Variants in BTRC observed in about 807,000 individuals in gnomAD.
BTRC encodes beta-transducin repeat containing E3 ubiquitin protein ligase.
A neutral mutation model predicts 85.5 loss-of-function variants in BTRC; 42 were observed. The observed-to-expected ratio is 0.49, with a 90% CI of 0.38 to 0.64. The LOEUF (loss-of-function observed/expected upper bound fraction) is 0.64. Ranked by LOEUF, BTRC falls within the 30% of genes least tolerant of loss-of-function variation. BTRC has a pLI of 0.00. For synonymous variants in BTRC, 255 were observed against 263.3 expected (o/e 0.97, Z 0.30); for missense variants, 594 against 743.5 (o/e 0.80, Z 2.34).
At chr10:101,497,180 C>T (rs9420832) in intron 4 of BTRC, among the ~76,000 whole-genome samples, 56,291 of 151,966 alleles carry the variant, frequency 0.37, 11,604 homozygotes, top group Middle Eastern at 0.49. Flanking sequence ...CCCATTATAC[C>T]GGATTGTTTT....
At chr10:101,427,016 T>C (rs959682608) in intron 1 of BTRC, among the ~76,000 whole-genome samples, 1 of 151,746 alleles carries the variant, frequency 6.6e-6, no homozygotes, top group African/African-American at 2.4e-5. Flanking sequence ...TCAGATTCAA[T>C]CTTTCCTTCC....
intron 4 of BTRC, among the ~76,000 whole-genome samples, chr10:101,505,141 A>ATATATATGTGTATATATATG (rs1564812183): frequency 8.6e-4 from 105 of 121,576 alleles, no homozygotes; most frequent in African/African-American, 2.7e-3. Flanking sequence ...ATATATATGT[A>ATATATATGTGTATATATATG]TATATATATG....
intron 1 of BTRC, among the ~76,000 whole-genome samples, chr10:101,404,023 TATATATA>T (rs1213884075): frequency 6.4e-5 from 2 of 31,490 alleles, no homozygotes; most frequent in Admixed American, 4.3e-4. Context: ...TATATATATA[TATATATA>T]TTTTTTTTTT....
chr10:101,451,993 A>G lies in BTRC; in HGVS notation c.157-9988A>G, dbSNP rs546884345. 2.0e-5 allele frequency among the ~76,000 whole-genome samples: 3 copies of G among 152,310 alleles called. No homozygotes were observed. The South Asian group carries it at 6.2e-4, about 32-fold the overall frequency. On this transcript the variant is annotated intron_variant, in intron 2 of 14. Coordinates refer to ENST00000370187, the MANE Select transcript of BTRC (RefSeq NM_033637.4). ...ACATTGGAGTTGTCACGAGTTCATA[A>G]ATCAAAGGAGTTTGTCAAAGGCATT...
At chr10:101,445,502 CAT>C (rs1241004970) in intron 2 of BTRC, among the ~76,000 whole-genome samples, 2 of 152,158 alleles carry the variant, frequency 1.3e-5, no homozygotes, top group African/African-American at 4.8e-5. Context: ...AGCGCAGGGA[CAT>C]AGTGATTGGA....
intron 2 of BTRC, among the ~76,000 whole-genome samples, chr10:101,439,170 C>G (rs1944614322): frequency 6.6e-6 from 1 of 152,170 alleles, no homozygotes; most frequent in African/African-American, 2.4e-5. Context: ...ATGTCAGCCT[C>G]CAAGTTTGAA....
intron 4 of BTRC, among the ~76,000 whole-genome samples, chr10:101,488,722 C>T (rs1009797940): frequency 2.6e-5 from 4 of 152,056 alleles, no homozygotes; most frequent in Non-Finnish European, 5.9e-5. Flanking sequence ...ATTCAAATAT[C>T]TTCTAAAGAT....
At chr10:101,442,262 ATCTC>A (rs10531761) in intron 2 of BTRC, among the ~76,000 whole-genome samples, 35 of 129,634 alleles carry the variant, frequency 2.7e-4, no homozygotes, top group Admixed American at 1.0e-3. Context: ...TTGAATTAGA[ATCTC>A]TCTCTCTCTC....
intron 4 of BTRC, among the ~76,000 whole-genome samples, chr10:101,490,149 AT>A (rs1340094410): frequency 6.6e-6 from 1 of 151,344 alleles, no homozygotes; most frequent in Non-Finnish European, 1.5e-5. Context: ...GAAAAAGTCC[AT>A]TTTCTTTTCA....
At chr10:101,426,627 T>C (rs569040081) in intron 1 of BTRC, among the ~76,000 whole-genome samples, 2 of 152,270 alleles carry the variant, frequency 1.3e-5, no homozygotes, top group South Asian at 4.1e-4. Flanking sequence ...ACTCAGATAA[T>C]TTATCAAGTA....
At position 101,550,910 on chromosome 10, in the gene BTRC, T is replaced by A. The variant is rs372787240; in HGVS notation, c.*31+19T>A. ...TGCCCAGGTATCGAAATCGATTATG[T>A]ACATAACACTGTGGGTAGGAGACGG... On this transcript the variant is annotated intron_variant, in intron 14 of 14. Coordinates refer to ENST00000370187, the MANE Select transcript of BTRC (RefSeq NM_033637.4). 381 of 1,557,862 alleles carry A rather than the reference T, an allele frequency of 2.4e-4. No homozygotes were observed. Among genetic ancestry groups the A allele is most frequent in the Middle Eastern group, 8.5e-4 (5 of 5,868 alleles).
intron 1 of BTRC, among the ~76,000 whole-genome samples, chr10:101,423,381 G>T (rs576076819): frequency 6.6e-6 from 1 of 152,310 alleles, no homozygotes; most frequent in Non-Finnish European, 1.5e-5. Flanking sequence ...CAGCTTGTTA[G>T]TTTGTTATAC....
intron 1 of BTRC, among the ~76,000 whole-genome samples, chr10:101,416,456 TCC>T (rs1564758931): frequency 1.3e-5 from 2 of 152,216 alleles, no homozygotes. Flanking sequence ...CACAGACATA[TCC>T]CTTTGGTTCA....
chr10:101,415,528 T>TGAG, intron 1 of BTRC, among the ~76,000 whole-genome samples: 1 of 14,426 alleles, frequency 6.9e-5, no homozygotes, highest in African/African-American at 1.1e-4. Flanking sequence ...TATGTTATGT[T>TGAG]ATGTTATGTT....
intron 2 of BTRC, among the ~76,000 whole-genome samples, chr10:101,436,861 G>A (rs1272492677): frequency 6.6e-6 from 1 of 152,100 alleles, no homozygotes; most frequent in East Asian, 1.9e-4. Context: ...ATTTTACCAT[G>A]TACAAAGTGA....
At chr10:101,391,466 A>G (rs1490580627) in intron 1 of BTRC, among the ~76,000 whole-genome samples, 1 of 152,196 alleles carries the variant, frequency 6.6e-6, no homozygotes, top group Admixed American at 6.5e-5. Context: ...GTCAATTGTT[A>G]CAACAAATAC....
intron 1 of BTRC, among the ~76,000 whole-genome samples, chr10:101,423,280 C>A (rs572159560): frequency 1.3e-5 from 2 of 152,060 alleles, no homozygotes; most frequent in South Asian, 2.1e-4. Flanking sequence ...GAGCTTGTTC[C>A]GCAATTCATT....
chr10:101,546,403 A>AT (rs200567611), intron 13 of BTRC, among the ~76,000 whole-genome samples: 48 of 151,716 alleles, frequency 3.2e-4, no homozygotes, highest in African/African-American at 1.0e-3. Context: ...ATTGAAATGT[A>AT]TTTTTTTTTA....
At chr10:101,418,101 T>C (rs772654417) in intron 1 of BTRC, among the ~76,000 whole-genome samples, 2 of 152,206 alleles carry the variant, frequency 1.3e-5, no homozygotes, top group Non-Finnish European at 2.9e-5. Flanking sequence ...GCACAGTGGC[T>C]CACACCAGTA....
Sources: gnomAD v4.1 joint callset for allele counts (sites outside exome capture counted in the v4.1 genomes callset) on GRCh38, gnomAD v4.1.1 for gene constraint, MANE v1.5 for transcripts, NCBI Gene and HGNC (gene_info 2026-07-23, HGNC 2026-07-21) for gene names.